MAP4K4: variants seen among roughly 807,000 people sequenced by gnomAD.
MAP4K4 encodes mitogen-activated protein kinase kinase kinase kinase 4.
In MAP4K4, 38 loss-of-function variants were observed where a neutral mutation model predicts 189.6. The observed-to-expected ratio is 0.20, with a 90% CI of 0.15 to 0.26. The LOEUF (loss-of-function observed/expected upper bound fraction) is 0.26. Ranked by LOEUF, MAP4K4 falls within the 10% of genes least tolerant of loss-of-function variation. MAP4K4 has a pLI of 1.00. For missense variants in MAP4K4, 1,054 were observed against 1,726.9 expected (o/e 0.61, Z 6.91); for synonymous variants, 610 against 624.3 (o/e 0.98, Z 0.34).
chr2:101,784,836 C>T (rs1376114422), intron 2 of MAP4K4, among the ~76,000 whole-genome samples: 1 of 152,130 alleles, frequency 6.6e-6, no homozygotes, highest in Non-Finnish European at 1.5e-5. Context: ...AGGTCCACAG[C>T]CTGGTATAGA....
At chr2:101,834,213 C>G (rs1462919319) in intron 7 of MAP4K4, among the ~76,000 whole-genome samples, 196 bp from the exon 8 acceptor site, 1 of 132,070 alleles carries the variant, frequency 7.6e-6, no homozygotes, top group Non-Finnish European at 1.6e-5. Context: ...TCCCTCCATC[C>G]CTCCATCCCT....
intron 19 of MAP4K4, 70 bp downstream of exon 19, chr2:101,866,649 C>T: frequency 1.9e-6 from 3 of 1,567,396 alleles, no homozygotes; most frequent in Non-Finnish European, 2.6e-6. Flanking sequence ...GGAAGTTTGT[C>T]TTAATCTGTA....
intron 9 of MAP4K4, among the ~76,000 whole-genome samples, chr2:101,838,656 C>T (rs1193355780): frequency 6.6e-6 from 1 of 152,090 alleles, no homozygotes; most frequent in Non-Finnish European, 1.5e-5. Flanking sequence ...TTGTGTATAC[C>T]TAAATTTCTC....
rs1464110124 is a variant in MAP4K4 at position 101,763,317 on chromosome 2, A to C, written c.124-27403A>C. On this transcript the variant is annotated intron_variant, in intron 2 of 32. Coordinates refer to ENST00000324219, the Ensembl canonical transcript of MAP4K4. ...TGTAGAGCTAGACAGGAGTTAGTTC[A>C]TGACAGAATCACATTGCAAAGAGAA... Among the ~76,000 whole-genome samples the C allele has an allele frequency of 2.6e-5, 4 of 152,350 alleles. No homozygotes were observed. In the East Asian group the frequency reaches 7.7e-4, roughly 29 times the overall value.
chr2:101,887,248 A>G lies in MAP4K4; in HGVS notation c.3771+11A>G, dbSNP rs1449748936. ...TATCTACCAACACATGTAAGAAAGA[A>G]CCCACACTCTATGGTTGGTTGACTG... On this transcript the variant is annotated intron_variant, in intron 30 of 32. Coordinates refer to ENST00000324219, the Ensembl canonical transcript of MAP4K4. 6.2e-6 allele frequency: 10 copies of G among 1,604,694 alleles called. No homozygotes were observed. The Admixed American group carries it at 1.6e-4, about 25-fold the overall frequency.
At chr2:101,892,023 A>G (rs2098578564) in exon 33 of MAP4K4, 2 of 151,778 alleles carry the variant, frequency 1.3e-5, no homozygotes, top group Admixed American at 6.6e-5. Flanking sequence ...AAAGGAAAAA[A>G]AAAAAGAAAA....
rs1355995718 is a variant in MAP4K4, at chr2:101,785,739, T to C, written c.124-4981T>C. 2.8e-3 allele frequency among the ~76,000 whole-genome samples: 22 copies of C among 7,758 alleles called. 1 individual carries two copies. Among genetic ancestry groups the C allele is most frequent in the South Asian group, 9.3e-3 (2 of 214 alleles). 5.1% of individuals were successfully genotyped at this position (7,758 alleles called of 152,430 possible). ...CTCTCTCTCTCTCTCTCTCTCTCTCTCTCTCTCTCTCTCTCTCTCTCTCTC... is the reference window on the plus strand; with the variant it reads ...CTCTCTCTCTCTCTCTCTCTCTCTCCCTCTCTCTCTCTCTCTCTCTCTCTC... On this transcript the variant is annotated intron_variant, in intron 2 of 32. Coordinates refer to ENST00000324219, the Ensembl canonical transcript of MAP4K4.
At chr2:101,777,064 AG>A (rs1413813414) in intron 2 of MAP4K4, among the ~76,000 whole-genome samples, 1 of 152,214 alleles carries the variant, frequency 6.6e-6, no homozygotes, top group African/African-American at 2.4e-5. Flanking sequence ...AGAAAGTCAT[AG>A]CCAGGCTCTG....
At chr2:101,808,979 G>A (rs2095234108) in intron 3 of MAP4K4, among the ~76,000 whole-genome samples, 1 of 152,166 alleles carries the variant, frequency 6.6e-6, no homozygotes, top group African/African-American at 2.4e-5. Context: ...TCTTATGGCT[G>A]CCAGTCACTC....
At chr2:101,777,155 G>T (rs776806930) in intron 2 of MAP4K4, among the ~76,000 whole-genome samples, 31 of 152,198 alleles carry the variant, frequency 2.0e-4, no homozygotes, top group Non-Finnish European at 3.2e-4. Flanking sequence ...GTCAGGTGGT[G>T]AATGGAGAAA....
intron 2 of MAP4K4, among the ~76,000 whole-genome samples, chr2:101,715,824 G>C (rs2048050239): frequency 6.6e-6 from 1 of 152,162 alleles, no homozygotes; most frequent in Non-Finnish European, 1.5e-5. Context: ...GGTAAGCAGT[G>C]GGAAAGCAAT....
intron 2 of MAP4K4, among the ~76,000 whole-genome samples, chr2:101,704,557 A>AT (rs1449503991): frequency 2.9e-5 from 2 of 67,826 alleles, no homozygotes; most frequent in Non-Finnish European, 2.5e-5. Context: ...ATATATATAT[A>AT]TATATATATA....
intron 2 of MAP4K4, among the ~76,000 whole-genome samples, chr2:101,743,753 G>T (rs993175956): frequency 6.6e-6 from 1 of 152,190 alleles, no homozygotes; most frequent in South Asian, 2.1e-4. Context: ...TTCCTTCCAG[G>T]TTCAAGCAAT....
exon 16 of MAP4K4, chr2:101,860,862 C>T (rs767832475): frequency 6.2e-6 from 10 of 1,609,230 alleles, no homozygotes; most frequent in Non-Finnish European, 8.5e-6. Flanking sequence ...CACAGCTCCC[C>T]TGAAGCCCAG....
At chr2:101,738,976 A>G (rs1271197447) in intron 2 of MAP4K4, among the ~76,000 whole-genome samples, 1 of 152,152 alleles carries the variant, frequency 6.6e-6, no homozygotes, top group African/African-American at 2.4e-5. Context: ...TGGTGCAGTG[A>G]ATACAGTTAC....
chr2:101,851,724 CTTTTTTTTTTTT>C (rs36217584), intron 12 of MAP4K4, among the ~76,000 whole-genome samples: 231 of 67,888 alleles, frequency 3.4e-3, no homozygotes, highest in African/African-American at 6.9e-3. Flanking sequence ...TAACTGTCCT[CTTTTTTTTTTTT>C]TTTTTTTTTT....
At chr2:101,747,337 T>C (rs2066171446) in intron 2 of MAP4K4, among the ~76,000 whole-genome samples, 1 of 152,166 alleles carries the variant, frequency 6.6e-6, no homozygotes, top group Non-Finnish European at 1.5e-5. Context: ...CAGGCTGGTG[T>C]TGAACTCCTG....
chr2:101,857,559 T>C (rs948220786), intron 13 of MAP4K4, among the ~76,000 whole-genome samples: 3 of 152,172 alleles, frequency 2.0e-5, no homozygotes, highest in African/African-American at 7.2e-5. Flanking sequence ...GTTCCTTTGC[T>C]CCGTCACAGT....
chr2:101,701,280 A>G (rs552339570), intron 2 of MAP4K4, among the ~76,000 whole-genome samples: 1 of 152,306 alleles, frequency 6.6e-6, no homozygotes, highest in African/African-American at 2.4e-5. Context: ...GTCGTATGAA[A>G]TAGCTTCTTT....
Sources: allele counts gnomAD v4.1 joint callset (sites outside exome capture counted in the v4.1 genomes callset), GRCh38; gene constraint gnomAD v4.1.1; transcripts MANE v1.5; gene names NCBI Gene and HGNC (gene_info 2026-07-23, HGNC 2026-07-21).